Variants in MLIP observed in about 807,000 individuals in gnomAD.
The protein encoded by MLIP is muscular LMNA-interacting protein.
A neutral mutation model predicts 84.8 loss-of-function variants in MLIP; 79 were observed. The observed-to-expected ratio is 0.93, with a 90% CI of 0.78 to 1.12. The LOEUF is 1.12. Among genes scored for constraint, MLIP ranks in the 50% most tolerant of loss-of-function variants. The pLI is 0.00. For missense variants in MLIP, 1,257 were observed against 1,160.6 expected, an observed-to-expected ratio of 1.08 and a Z score of -1.21; for synonymous variants, 504 against 463.0, an observed-to-expected ratio of 1.09 and a Z score of -1.14.
intron 1 of MLIP, chr6:54,028,889 C>A (rs1422309231): frequency 6.6e-6 from 1 of 152,196 alleles, no homozygotes; most frequent in East Asian, 1.9e-4. Flanking sequence ...AAGGTCTCTT[C>A]TTGGCAGCTC....
intron 11 of MLIP, among the ~76,000 whole-genome samples, chr6:54,226,528 C>A (rs1780582732): frequency 6.6e-6 from 1 of 151,890 alleles, no homozygotes; most frequent in South Asian, 2.1e-4. Flanking sequence ...TAATTCCTGA[C>A]TCTAAAATAT....
chr6:54,242,130 T>C (rs1781780191), intron 12 of MLIP, among the ~76,000 whole-genome samples: 1 of 152,180 alleles, frequency 6.6e-6, no homozygotes, highest in African/African-American at 2.4e-5. Context: ...TCTGATGTTG[T>C]GTGAATGACA....
intron 10 of MLIP, among the ~76,000 whole-genome samples, chr6:54,196,688 T>G (rs1778324733): frequency 6.6e-6 from 1 of 152,066 alleles, no homozygotes; most frequent in Non-Finnish European, 1.5e-5. Flanking sequence ...GTCTGTCAAT[T>G]AACTTATTCA....
At chr6:54,155,072 C>T (rs1773876177) in intron 5 of MLIP, among the ~76,000 whole-genome samples, 1 of 152,096 alleles carries the variant, frequency 6.6e-6, no homozygotes. Context: ...GGAGTAAAAT[C>T]ACCAACTAGA....
At chr6:54,132,047 G>A (rs189815772) in intron 3 of MLIP, among the ~76,000 whole-genome samples, 4 of 152,236 alleles carry the variant, frequency 2.6e-5, no homozygotes, top group East Asian at 1.9e-4. Context: ...TGTTCTGCAC[G>A]TAACAAGCCA....
intron 11 of MLIP, among the ~76,000 whole-genome samples, chr6:54,207,679 G>T (rs999922441): frequency 6.6e-6 from 1 of 152,134 alleles, no homozygotes; most frequent in African/African-American, 2.4e-5. Context: ...CAAATAGTTG[G>T]TGGATATGTA....
chr6:54,124,607 G>T lies in MLIP; in HGVS notation c.387G>T (p.Gly129=), dbSNP rs1390362569. ...AATTCGAAGCAAACAAACTTCAAGG[G>T]ATGCAGCAAAGTGACCTCTTCAAAG... The part of the protein sequence containing the change: ...EREFEANKLQ[G]MQQSDLFKAE... The change falls in exon 3 of 14, where the codon GGG becomes GGT. Residue 129 remains glycine, a synonymous_variant. Coordinates refer to ENST00000502396, the MANE Select transcript of MLIP (RefSeq NM_001281747.2). 3.7e-6 allele frequency: 6 copies of T among 1,614,070 alleles called. No individual in the cohort carries two copies. The South Asian group carries it at 4.4e-5, about 12-fold the overall frequency.
At chr6:54,185,064 C>A (rs140229243) in intron 9 of MLIP, among the ~76,000 whole-genome samples, 1 of 152,178 alleles carries the variant, frequency 6.6e-6, no homozygotes, top group Non-Finnish European at 1.5e-5. Flanking sequence ...CTTTTCCCAT[C>A]ATCTGCTTAG....
chr6:54,070,081 T>A (rs1341247554), intron 1 of MLIP, among the ~76,000 whole-genome samples: 1 of 152,202 alleles, frequency 6.6e-6, no homozygotes, highest in Non-Finnish European at 1.5e-5. Context: ...TCTCTGTTAC[T>A]TTTAGGGGTA....
In MLIP at chr6:54,182,623, T is replaced by C. The variant is rs72964011; in HGVS notation, c.2545-7247T>C. On this transcript the variant is annotated intron_variant, in intron 9 of 13. Transcript: ENST00000502396. ...CACCCCTCAGGGATGAATTATCTAT[T>C]AACATTCTATTTCATTCTATTTTCA... Among the ~76,000 whole-genome samples, 52 of 152,328 alleles carry C rather than the reference T, an allele frequency of 3.4e-4. No individual in the cohort carries two copies. The East Asian group carries it at 9.3e-3, about 27-fold the overall frequency.
chr6:54,112,613 A>T (rs1322699488), intron 1 of MLIP, among the ~76,000 whole-genome samples: 1 of 152,106 alleles, frequency 6.6e-6, no homozygotes, highest in Non-Finnish European at 1.5e-5. Flanking sequence ...GTTTTATTAG[A>T]TTTCCTGTTT....
In MLIP at chr6:54,124,708, G is replaced by T. The variant is rs114749085; in HGVS notation, c.488G>T (p.Gly163Val). ...AGAAAAGTTGAACAAGGCCCCCCAG[G>T]GGGGATTGGCACCGCAGCTGTCCGG... is the stretch of plus-strand genomic sequence containing the variant. Reference protein sequence around the residue: ...ASRKVEQGPPGGIGTAAVRPK... With the variant: ...ASRKVEQGPPVGIGTAAVRPK... The change falls in exon 3 of 14, where the codon GGG becomes GTG. Residue 163 changes from glycine (G) to valine (V), a missense_variant. Coordinates refer to ENST00000502396, the MANE Select transcript of MLIP (RefSeq NM_001281747.2). 2.9e-3 allele frequency: 4,712 copies of T among 1,614,158 alleles called. 108 individuals are homozygous for T. The African/African-American group carries it at 0.053, about 18-fold the overall frequency.
intron 1 of MLIP, among the ~76,000 whole-genome samples, chr6:54,030,310 G>C (rs1322956302): frequency 6.6e-6 from 1 of 152,164 alleles, no homozygotes; most frequent in Non-Finnish European, 1.5e-5. Flanking sequence ...GCATTACATA[G>C]AGGTAAAAAT....
intron 11 of MLIP, among the ~76,000 whole-genome samples, chr6:54,207,941 CG>C (rs1779151591): frequency 1.3e-5 from 2 of 152,050 alleles, no homozygotes; most frequent in East Asian, 3.9e-4. Flanking sequence ...CTGGCTAACA[CG>C]GTGAAACCCC....
chr6:54,195,368 C>T (rs1276226815), intron 10 of MLIP, among the ~76,000 whole-genome samples: 2 of 151,970 alleles, frequency 1.3e-5, no homozygotes, highest in African/African-American at 2.4e-5. Context: ...TCACACCACC[C>T]GAGAGCTTAT....
rs904523912 is a variant in MLIP at position 54,059,934 on chromosome 6, T to C, written c.63+40843T>C. 2.1e-4 allele frequency among the ~76,000 whole-genome samples: 32 copies of C among 152,358 alleles called. No individual in the cohort carries two copies. The East Asian group carries it at 4.8e-3, about 23-fold the overall frequency. On this transcript the variant is annotated intron_variant, in intron 1 of 12. Transcript: ENST00000274897. The stretch of plus-strand genomic sequence containing the variant: ...GTTCTCAAAATATTTTGAGCCTTGA[T>C]TGACTGAAAATGAGATCCTTTTCAT...
At chr6:54,229,823 AT>A (rs1780855859) in intron 11 of MLIP, among the ~76,000 whole-genome samples, 1 of 152,160 alleles carries the variant, frequency 6.6e-6, no homozygotes, top group Non-Finnish European at 1.5e-5. Flanking sequence ...TCTTTTTAAA[AT>A]AATAAGTATG....
In MLIP at chr6:54,209,868, A is replaced by G. The variant is rs572938236; in HGVS notation, c.2718+7635A>G. On this transcript the variant is annotated intron_variant, in intron 11 of 13. Coordinates refer to ENST00000502396, the MANE Select transcript of MLIP (RefSeq NM_001281747.2). ...TACTTACTTTTTAAGAATTAGAGAC[A>G]GTAACTCCAAAAATAATTGTCCTTT... 2.0e-5 allele frequency among the ~76,000 whole-genome samples: 3 copies of G among 152,302 alleles called. No homozygotes were observed. In the South Asian group the frequency reaches 6.2e-4, roughly 32 times the overall value.
chr6:54,223,152 A>G (rs1780331837), intron 11 of MLIP, among the ~76,000 whole-genome samples: 2 of 151,766 alleles, frequency 1.3e-5, no homozygotes, highest in South Asian at 4.1e-4. Context: ...TTATATAGAC[A>G]GTTTGCAAAT....
Sources: allele counts gnomAD v4.1 joint callset (sites outside exome capture counted in the v4.1 genomes callset), GRCh38; gene constraint gnomAD v4.1.1; transcripts MANE v1.5; gene names NCBI Gene and HGNC (gene_info 2026-07-23, HGNC 2026-07-21).